TMEM120B: variants seen among roughly 807,000 people sequenced by gnomAD.
The protein encoded by TMEM120B is transmembrane protein 120B.
TMEM120B carries 31 observed loss-of-function variants against 55.5 expected under a neutral mutation model. That is an observed-to-expected ratio of 0.56 (90% CI 0.42 to 0.75). The LOEUF is 0.75. Among genes scored for constraint, TMEM120B ranks in the 30% least tolerant of loss-of-function variants. TMEM120B has a pLI of 0.00. For synonymous variants in TMEM120B, 203 were observed against 176.3 expected (o/e 1.15, Z -1.20); for missense variants, 399 against 425.5 (o/e 0.94, Z 0.55).
Position 121,780,540 on chromosome 12 carries a change from C to T in TMEM120B, c.*4818C>T. On this transcript the variant is annotated 3_prime_UTR_variant, in exon 12 of 12. Coordinates refer to ENST00000449592, the MANE Select transcript of TMEM120B (RefSeq NM_001080825.2). The stretch of plus-strand genomic sequence containing the variant: ...ACAGGACGGCGGCTCATAGCACAGA[C>T]TTTGGATTGCAGTGGATGGGACCAG... 2.2e-6 allele frequency: 1 copy of T among 462,596 alleles called. No individual in the cohort carries two copies. Among genetic ancestry groups the T allele is most frequent in the East Asian group, 3.4e-5 (1 of 29,800 alleles). 28.7% of individuals were successfully genotyped at this position (462,596 alleles called of 1,614,324 possible). A position where few individuals can be genotyped will look rare whatever the true frequency, so the allele number is the denominator to read the frequency against.
chr12:121,758,875 TGC>T (rs1873574545), intron 5 of TMEM120B: 1 of 934,544 alleles, frequency 1.1e-6, no homozygotes, highest in African/African-American at 2.4e-5. Flanking sequence ...CCCAGCCCCG[TGC>T]TGTGGTCACC....
At chr12:121,763,157 CTTTTTTTTTTTTTT>C (rs35941086) in intron 6 of TMEM120B, among the ~76,000 whole-genome samples, 1 of 88,090 alleles carries the variant, frequency 1.1e-5, no homozygotes, top group African/African-American at 4.0e-5. Flanking sequence ...CTCGGCATGC[CTTTTTTTTTTTTTT>C]TTTTTTTTTG....
In TMEM120B at chr12:121,744,404, A is replaced by C. The variant is rs377055783; in HGVS notation, c.188+657A>C. On this transcript the variant is annotated intron_variant, in intron 2 of 11. Coordinates refer to ENST00000449592, the MANE Select transcript of TMEM120B (RefSeq NM_001080825.2). ...TGGCCACATGGGTGATGGGAGAAGA[A>C]GATAAGTAGTTTCCCGGGTGAAAGT... Among the ~76,000 whole-genome samples the C allele has an allele frequency of 3.1e-4, 47 of 152,324 alleles. No individual in the cohort carries two copies. In the South Asian group the frequency reaches 9.5e-3, roughly 31 times the overall value.
At position 121,775,795 on chromosome 12, in the gene TMEM120B, C is replaced by T; in HGVS notation, c.*73C>T. Reference sequence around the variant, plus strand: ...TCCCGGGCTCCTTCCCAGCAGCCCTCTCAGGCCCGTGGCATCGCTGGGAGA... The same window carrying T: ...TCCCGGGCTCCTTCCCAGCAGCCCTTTCAGGCCCGTGGCATCGCTGGGAGA... On this transcript the variant is annotated 3_prime_UTR_variant, in exon 12 of 12. Coordinates refer to ENST00000449592, the MANE Select transcript of TMEM120B (RefSeq NM_001080825.2). The surrounding 1 kb of genome is among the most constrained non-coding windows in gnomAD (Gnocchi z 4.3). 6.6e-7 allele frequency: 1 copy of T among 1,524,138 alleles called. No homozygotes were observed. Among genetic ancestry groups the T allele is most frequent in the South Asian group, 1.1e-5 (1 of 88,582 alleles). The allele number at this position is 1,524,138 out of a possible 1,614,324, so 94.4% of individuals were successfully genotyped here. A position where few individuals can be genotyped will look rare whatever the true frequency, so the allele number is the denominator to read the frequency against.
intron 3 of TMEM120B, among the ~76,000 whole-genome samples, chr12:121,748,949 A>G (rs993496650): frequency 6.6e-6 from 1 of 152,154 alleles, no homozygotes; most frequent in Non-Finnish European, 1.5e-5. Context: ...CCCTTCAGAG[A>G]AGTCCCCGTT....
chr12:121,718,267 T>G (rs916113347), intron 1 of TMEM120B, among the ~76,000 whole-genome samples: 9 of 152,106 alleles, frequency 5.9e-5, no homozygotes, highest in African/African-American at 1.9e-4. Flanking sequence ...CAGAGCACTT[T>G]GAGCTTAGGT....
In TMEM120B at chr12:121,775,044, G is replaced by A. The variant is rs781566663; in HGVS notation, c.838-18G>A. 1.1e-5 allele frequency: 17 copies of A among 1,612,782 alleles called. No homozygotes were observed. Among genetic ancestry groups the A allele is most frequent in the South Asian group, 3.3e-5 (3 of 90,934 alleles). On this transcript the variant is annotated intron_variant, in intron 10 of 11. Coordinates refer to ENST00000449592, the MANE Select transcript of TMEM120B (RefSeq NM_001080825.2). The surrounding 1 kb of genome is among the most constrained non-coding windows in gnomAD (Gnocchi z 4.3). ...CAGGGGAGTCTGGTGGGTGAGCAGC[G>A]CCTGCCTTCCTCTCCAGTTCTGGCA...
At chr12:121,743,894 G>C (rs1592934255) in intron 2 of TMEM120B, 147 bp downstream of exon 2, 3 of 611,872 alleles carry the variant, frequency 4.9e-6, no homozygotes, top group South Asian at 4.0e-5. Flanking sequence ...GGAGTCAAAG[G>C]GTGTTTTGGG....
At chr12:121,751,169 A>G (rs1462082093) in intron 4 of TMEM120B, among the ~76,000 whole-genome samples, 6 of 59,922 alleles carry the variant, frequency 1.0e-4, no homozygotes, top group African/African-American at 4.2e-4. Context: ...CCCACACCCC[A>G]CACCTAACAC....
intron 1 of TMEM120B, among the ~76,000 whole-genome samples, chr12:121,716,034 C>T (rs1414607470): frequency 6.8e-6 from 1 of 147,938 alleles, no homozygotes; most frequent in Non-Finnish European, 1.5e-5. Flanking sequence ...TGGCTCATAC[C>T]TGTAATCTCA....
At chr12:121,753,387 A>G (rs932875729) in intron 5 of TMEM120B, among the ~76,000 whole-genome samples, 2 of 152,104 alleles carry the variant, frequency 1.3e-5, no homozygotes, top group African/African-American at 4.8e-5. Context: ...CCTGGGCAAC[A>G]TGGTCAAACC....
At chr12:121,727,234 T>C (rs759166467) in intron 1 of TMEM120B, among the ~76,000 whole-genome samples, 7 of 149,888 alleles carry the variant, frequency 4.7e-5, no homozygotes, top group Non-Finnish European at 8.9e-5. Flanking sequence ...GTCCCTGGTT[T>C]TTCACATCTT....
intron 1 of TMEM120B, among the ~76,000 whole-genome samples, chr12:121,724,405 C>T (rs1894851022): frequency 6.6e-6 from 1 of 152,084 alleles, no homozygotes; most frequent in Admixed American, 6.6e-5. Context: ...AACTCCCGGC[C>T]TCAAGCAAGT....
intron 1 of TMEM120B, among the ~76,000 whole-genome samples, chr12:121,738,012 CAA>C (rs59357934): frequency 1.2e-4 from 8 of 69,362 alleles, no homozygotes; most frequent in Admixed American, 3.5e-4. Flanking sequence ...CCTGTCTCCA[CAA>C]AAAAAAAAAA....
chr12:121,744,052 CTT>C lies in TMEM120B; in HGVS notation c.188+323_188+324del, dbSNP rs535863726. 1.0e-4 allele frequency among the ~76,000 whole-genome samples: 14 copies of C among 138,024 alleles called. No homozygotes were observed. In the East Asian group the frequency reaches 1.0e-3, roughly 10 times the overall value. The allele number at this position is 138,024 out of a possible 152,430, so 90.5% of individuals were successfully genotyped here. On this transcript the variant is annotated intron_variant, in intron 2 of 11. Coordinates refer to ENST00000449592, the MANE Select transcript of TMEM120B (RefSeq NM_001080825.2). ...ACCCTGGCTGAAGGAGAGTGTCTCT[CTT>C]TTTTTTTTTTTTTTTTTCTTGAAAT...
chr12:121,763,801 C>T (rs1016846585), intron 6 of TMEM120B, among the ~76,000 whole-genome samples: 1 of 152,156 alleles, frequency 6.6e-6, no homozygotes, highest in Non-Finnish European at 1.5e-5. Flanking sequence ...CTCCTGCTTC[C>T]TCCTTCCTCC....
chr12:121,776,220 C>A lies in TMEM120B; in HGVS notation c.*498C>A. The A allele has an allele frequency of 3.8e-6, 1 of 260,962 alleles. No individual in the cohort carries two copies. Among genetic ancestry groups the A allele is most frequent in the South Asian group, 1.2e-4 (1 of 8,368 alleles). The allele number at this position is 260,962 out of a possible 1,614,324, so 16.2% of individuals were successfully genotyped here. A position where few individuals can be genotyped will look rare whatever the true frequency, so the allele number is the denominator to read the frequency against. On this transcript the variant is annotated 3_prime_UTR_variant, in exon 12 of 12. Coordinates refer to ENST00000449592, the MANE Select transcript of TMEM120B (RefSeq NM_001080825.2). ...AGCCCCCTCCTCGCCCACCCCGCCA[C>A]GTGGTGAGGGTTATTTTAAGTTCTC...
chr12:121,722,909 C>T (rs1013684246), intron 1 of TMEM120B, among the ~76,000 whole-genome samples: 5 of 145,564 alleles, frequency 3.4e-5, no homozygotes, highest in African/African-American at 7.6e-5. Flanking sequence ...AGTGCAATGG[C>T]GCGATCTTGG....
In TMEM120B at chr12:121,722,096, T is replaced by A. The variant is rs565149585; in HGVS notation, c.69+9132T>A. 7.5e-5 allele frequency among the ~76,000 whole-genome samples: 10 copies of A among 133,670 alleles called. No homozygotes were observed. In the Admixed American group the frequency reaches 8.6e-4, roughly 11 times the overall value. 87.7% of individuals were successfully genotyped at this position (133,670 alleles called of 152,430 possible). On this transcript the variant is annotated intron_variant, in intron 1 of 11. Transcript: ENST00000449592. ...GATTATAGGCGTGAGCCACCACACC[T>A]GGCCTTTTTTTTTTTTTTTTGAGAT... is the stretch of plus-strand genomic sequence containing the variant.
Sources: gnomAD v4.1 joint callset for allele counts (sites outside exome capture counted in the v4.1 genomes callset) on GRCh38, gnomAD v4.1.1 for gene constraint, Gnocchi (gnomAD v3.1) non-coding constraint, MANE v1.5 for transcripts, NCBI Gene and HGNC (gene_info 2026-07-23, HGNC 2026-07-21) for gene names.